The following CCDC66 variants were observed in gnomAD, a reference collection of about 807,000 sequenced individuals.
CCDC66 encodes the protein coiled-coil domain containing 66.
In CCDC66, 133 loss-of-function variants were observed where a neutral mutation model predicts 128.3. That is an observed-to-expected ratio of 1.04 (90% CI 0.90 to 1.20). The LOEUF (loss-of-function observed/expected upper bound fraction) is 1.20. CCDC66 is among the 50% of genes most tolerant of loss of function. CCDC66 has a pLI of 0.00. For missense variants in CCDC66, 1,126 were observed against 1,075.5 expected, an observed-to-expected ratio of 1.05 and a Z score of -0.66; for synonymous variants, 387 against 357.0, an observed-to-expected ratio of 1.08 and a Z score of -0.95.
At chr3:56,591,336 A>G (rs1279192335) in intron 7 of CCDC66, among the ~76,000 whole-genome samples, 1 of 152,234 alleles carries the variant, frequency 6.6e-6, no homozygotes, top group East Asian at 1.9e-4. Flanking sequence ...AATAATTTGC[A>G]ATGCCACTAC....
intron 8 of CCDC66, 143 bp from the exon 9 acceptor site, chr3:56,593,348 C>T (rs2071276213): frequency 1.4e-5 from 13 of 928,424 alleles, no homozygotes; most frequent in Non-Finnish European, 2.1e-5. Context: ...TGTATAAGGA[C>T]TCTAAACAGT....
At chr3:56,620,041 T>TAGAC (rs2076173704) in intron 17 of CCDC66, 140 bp downstream of exon 17, 1 of 856,286 alleles carries the variant, frequency 1.2e-6, no homozygotes, top group Admixed American at 2.7e-5. Flanking sequence ...GTATGTTTGT[T>TAGAC]AGACACAAAT....
At chr3:56,621,211 G>GACTC (rs2076546897) in intron 17 of CCDC66, 1 of 188,866 alleles carries the variant, frequency 5.3e-6, no homozygotes, top group Non-Finnish European at 1.1e-5. Flanking sequence ...TGTTAAGGGA[G>GACTC]ACTCCTTCAG....
intron 3 of CCDC66, chr3:56,561,417 T>TAGGCCTA: frequency 2.3e-5 from 8 of 354,808 alleles, no homozygotes; most frequent in South Asian, 1.8e-4. Flanking sequence ...GGACTTTTGA[T>TAGGCCTA]TACTAGACTT....
At chr3:56,606,588 G>A (rs540943341) in intron 10 of CCDC66, among the ~76,000 whole-genome samples, 12 of 151,950 alleles carry the variant, frequency 7.9e-5, no homozygotes, top group Admixed American at 5.2e-4. Context: ...ACCCTGCTTC[G>A]GCTCGCTCTC....
Position 56,621,831 on chromosome 3 carries a change from A to C in CCDC66, c.*213A>C, listed in dbSNP as rs1327198986. On this transcript the variant is annotated 3_prime_UTR_variant, in exon 18 of 18. Coordinates refer to ENST00000394672, the MANE Select transcript of CCDC66 (RefSeq NM_001141947.3). ...AAAGCTTAGTAGTAAAAAAAAAAAAAAAAAAACCGGTTCTTCTGCTCTGTC... is the reference window on the plus strand; with the variant it reads ...AAAGCTTAGTAGTAAAAAAAAAAAACAAAAAACCGGTTCTTCTGCTCTGTC... The C allele has an allele frequency of 1.1e-5, 3 of 277,506 alleles. No individual in the cohort carries two copies. Among genetic ancestry groups the C allele is most frequent in the African/African-American group, 2.2e-5 (1 of 45,174 alleles). The allele number at this position is 277,506 out of a possible 1,614,324, so 17.2% of individuals were successfully genotyped here. A position where few individuals can be genotyped will look rare whatever the true frequency, so the allele number is the denominator to read the frequency against.
At chr3:56,582,802 A>G (rs1263524694) in intron 7 of CCDC66, among the ~76,000 whole-genome samples, 1 of 149,976 alleles carries the variant, frequency 6.7e-6, no homozygotes, top group Non-Finnish European at 1.5e-5. Flanking sequence ...ATGCATAATC[A>G]TAATTGAATT....
chr3:56,596,415 T>C (rs2071929455), intron 10 of CCDC66, among the ~76,000 whole-genome samples: 1 of 152,162 alleles, frequency 6.6e-6, no homozygotes, highest in Admixed American at 6.6e-5. Flanking sequence ...TTTTGGTGTG[T>C]GTGTGTGTTT....
At chr3:56,582,752 C>T (rs999354749) in intron 7 of CCDC66, among the ~76,000 whole-genome samples, 7 of 151,250 alleles carry the variant, frequency 4.6e-5, no homozygotes, top group Admixed American at 6.7e-5. Context: ...TGAGTAGATA[C>T]ATAAACTTCG....
chr3:56,593,389 C>G (rs1280478472), intron 8 of CCDC66, 102 bp from the exon 9 acceptor site: 1 of 1,281,332 alleles, frequency 7.8e-7, no homozygotes, highest in Non-Finnish European at 1.1e-6. Context: ...GATGCTTATT[C>G]TGCTCTAAGG....
intron 7 of CCDC66, among the ~76,000 whole-genome samples, chr3:56,579,861 GGTA>G (rs1178508704): frequency 1.3e-5 from 2 of 151,846 alleles, no homozygotes; most frequent in Non-Finnish European, 2.9e-5. Flanking sequence ...AGTGTGATGT[GGTA>G]CTGAGAAGAA....
At chr3:56,613,525 C>T (rs1197325786) in intron 10 of CCDC66, 64 bp from the exon 11 acceptor site, 1 of 1,557,252 alleles carries the variant, frequency 6.4e-7, no homozygotes, top group Non-Finnish European at 8.7e-7. Context: ...AGTCAGCCAT[C>T]TTGAATTCCC....
chr3:56,605,877 C>T (rs1373050671), intron 10 of CCDC66, among the ~76,000 whole-genome samples: 1 of 152,040 alleles, frequency 6.6e-6, no homozygotes, highest in Non-Finnish European at 1.5e-5. Context: ...CCACAGCCAC[C>T]CCTTCCCCCT....
chr3:56,558,904 C>G lies in CCDC66; in HGVS notation c.70C>G (p.Pro24Ala). Residue 24 changes from proline to alanine, a missense_variant, in exon 2 of 18, where the codon CCA becomes GCA. Coordinates refer to ENST00000394672, the MANE Select transcript of CCDC66 (RefSeq NM_001141947.3). ...LDGKTKLILSPYEHKSKISVK... is the reference protein window; with the variant it reads ...LDGKTKLILSAYEHKSKISVK... ...TGGAAAAACCAAGCTAATATTGTCTCCATATGGTATGTTGTGTTACAGAAA... is the reference window on the plus strand; with the variant it reads ...TGGAAAAACCAAGCTAATATTGTCTGCATATGGTATGTTGTGTTACAGAAA... 1 of 1,543,558 alleles carries G rather than the reference C, an allele frequency of 6.5e-7. No individual in the cohort carries two copies. The highest frequency in any genetic ancestry group is 8.8e-7 in the Non-Finnish European group (1 of 1,141,014).
intron 6 of CCDC66, among the ~76,000 whole-genome samples, chr3:56,568,380 T>C (rs7628343): frequency 0.83 from 126,053 of 152,200 alleles, 52,782 homozygotes; most frequent in Non-Finnish European, 0.91. Flanking sequence ...TCATGTGGAA[T>C]CCATGGATAT....
At chr3:56,618,036 C>A in intron 14 of CCDC66, 136 bp from the exon 15 acceptor site, 1 of 719,496 alleles carries the variant, frequency 1.4e-6, no homozygotes, top group Non-Finnish European at 2.4e-6. Flanking sequence ...AAAACTATAT[C>A]TATTCCATTG....
intron 13 of CCDC66, 183 bp from the exon 14 acceptor site, chr3:56,616,929 G>GTGGC (rs910242305): frequency 2.2e-6 from 1 of 452,174 alleles, no homozygotes; most frequent in African/African-American, 2.0e-5. Flanking sequence ...AATTAGAGTG[G>GTGGC]TGGCTGCCAG....
intron 7 of CCDC66, among the ~76,000 whole-genome samples, chr3:56,579,659 G>T (rs1289875676): frequency 6.6e-6 from 1 of 151,750 alleles, no homozygotes; most frequent in Non-Finnish European, 1.5e-5. Context: ...CCTTCATTTC[G>T]TTATGTACCC....
In CCDC66 at chr3:56,613,689, A is replaced by T. The variant is rs755713048; in HGVS notation, c.1505A>T (p.Gln502Leu). 2 of 1,614,006 alleles carry T rather than the reference A, an allele frequency of 1.2e-6. No homozygotes were observed. Among genetic ancestry groups the T allele is most frequent in the East Asian group, 4.5e-5 (2 of 44,888 alleles). Reference protein sequence around the residue: ...EEQEEELRLAQEREEMQKQYE... With the variant: ...EEQEEELRLALEREEMQKQYE... ...CAAGAAGAGGAGCTTCGCTTAGCAC[A>T]GGAACGTGAAGAGATGCAGAAACAG... The change falls in exon 11 of 18, where the codon CAG becomes CTG. Residue 502 changes from glutamine to leucine, a missense_variant. Coordinates refer to ENST00000394672, the MANE Select transcript of CCDC66 (RefSeq NM_001141947.3).
Sources: allele counts gnomAD v4.1 joint callset (sites outside exome capture counted in the v4.1 genomes callset), GRCh38; gene constraint gnomAD v4.1.1; transcripts MANE v1.5; gene names NCBI Gene and HGNC (gene_info 2026-07-23, HGNC 2026-07-21).